Variants in BAZ1A observed in about 807,000 individuals in gnomAD.
BAZ1A encodes the protein bromodomain adjacent to zinc finger domain 1A.
A neutral mutation model predicts 185.2 loss-of-function variants in BAZ1A; 50 were observed. The ratio of observed to expected loss-of-function variants is 0.27; its 90% CI spans 0.22 to 0.34. The LOEUF (loss-of-function observed/expected upper bound fraction) is 0.34, where lower values mean the gene tolerates loss of function less well. BAZ1A is among the 10% of genes least tolerant of loss of function. The probability of loss-of-function intolerance (pLI) is 1.00; values close to 1 mark genes in which losing one functional copy is unlikely to be tolerated. For synonymous variants in BAZ1A, 571 were observed against 615.6 expected, an observed-to-expected ratio of 0.93 and a Z score of 1.07; for missense variants, 1,356 against 1,839.9, an observed-to-expected ratio of 0.74 and a Z score of 4.81.
intron 26 of BAZ1A, 67 bp downstream of exon 26, chr14:34,754,760 A>G (rs1040890458): frequency 6.3e-6 from 7 of 1,119,246 alleles, no homozygotes; most frequent in Non-Finnish European, 8.9e-6. Flanking sequence ...ACAAAAATAA[A>G]TATCAAAGAT....
chr14:34,866,154 C>G (rs1021606853), intron 2 of BAZ1A, among the ~76,000 whole-genome samples: 5 of 152,100 alleles, frequency 3.3e-5, no homozygotes, highest in African/African-American at 1.2e-4. Flanking sequence ...CACCACTGCA[C>G]TCCAGCCTGA....
Position 34,875,128 on chromosome 14 carries a change from C to A in BAZ1A, c.-59+10G>T. On this transcript the variant is annotated intron_variant, in intron 1 of 26. Coordinates refer to ENST00000360310, the MANE Select transcript of BAZ1A (RefSeq NM_013448.3). ...CCGCCGGCGCCGGCCGGCTCCCGAG[C>A]GACCCTCACCTGCGATCACGCCGAC... 2.7e-6 allele frequency: 1 copy of A among 373,814 alleles called. No individual in the cohort carries two copies. The allele number at this position is 373,814 out of a possible 1,614,324, so 23.2% of individuals were successfully genotyped here.
chr14:34,832,215 C>CACACATAT, intron 3 of BAZ1A, among the ~76,000 whole-genome samples: 5 of 89,666 alleles, frequency 5.6e-5, no homozygotes, highest in African/African-American at 1.1e-4. Context: ...CACACACACA[C>CACACATAT]ATATATATAT....
chr14:34,832,501 T>G (rs780208177), intron 3 of BAZ1A, among the ~76,000 whole-genome samples: 1 of 147,904 alleles, frequency 6.8e-6, no homozygotes, highest in Admixed American at 6.8e-5. Flanking sequence ...GGCAAAAGAC[T>G]TGAATAGACA....
At chr14:34,872,913 TAAAAAAAAA>T (rs35955993) in intron 2 of BAZ1A, among the ~76,000 whole-genome samples, 15 of 76,188 alleles carry the variant, frequency 2.0e-4, no homozygotes, top group East Asian at 3.5e-4. Flanking sequence ...TTTAAAATCC[TAAAAAAAAA>T]AAAAAAAAAA....
chr14:34,842,758 A>T (rs1359170283), intron 3 of BAZ1A, among the ~76,000 whole-genome samples: 1 of 152,144 alleles, frequency 6.6e-6, no homozygotes, highest in Non-Finnish European at 1.5e-5. Context: ...TCTGGTTCTG[A>T]TACTGCCTGT....
intron 14 of BAZ1A, among the ~76,000 whole-genome samples, chr14:34,784,695 T>C (rs867517132): frequency 5.9e-5 from 9 of 151,696 alleles, no homozygotes; most frequent in African/African-American, 9.7e-5. Context: ...TTTTTTTGTA[T>C]TTTCAGTAGA....
chr14:34,828,003 T>C (rs959050317), intron 3 of BAZ1A, among the ~76,000 whole-genome samples: 2 of 151,838 alleles, frequency 1.3e-5, no homozygotes, highest in Admixed American at 1.3e-4. Flanking sequence ...AATTAAAATA[T>C]TCCTTAATCG....
chr14:34,758,634 A>G, intron 25 of BAZ1A, 70 bp downstream of exon 25: 2 of 1,475,116 alleles, frequency 1.4e-6, no homozygotes, highest in Non-Finnish European at 1.9e-6. Context: ...TGTTTTGACT[A>G]CTTCAAAGTT....
At chr14:34,786,050 A>G (rs771905245) in intron 13 of BAZ1A, 49 bp from the exon 14 acceptor site, 3 of 1,589,138 alleles carry the variant, frequency 1.9e-6, no homozygotes, top group Non-Finnish European at 2.6e-6. Flanking sequence ...AACAATAAAT[A>G]CTCAGCAATG....
intron 24 of BAZ1A, among the ~76,000 whole-genome samples, chr14:34,759,184 T>TGTTTTTTTTTTG (rs1555336964): frequency 3.9e-4 from 42 of 108,108 alleles, no homozygotes; most frequent in Non-Finnish European, 7.0e-4. Flanking sequence ...TTTTTTTTTT[T>TGTTTTTTTTTTG]TTTTTTTTTT....
rs138815916 is a variant in BAZ1A at position 34,832,685 on chromosome 14, T to C, written c.393-6529A>G. ...AAATTCACAAGTGTTAATAAGAATG[T>C]AGAGGAAATGGAACACTAGTGCATT... On this transcript the variant is annotated intron_variant, in intron 3 of 26. Transcript: ENST00000360310. Among the ~76,000 whole-genome samples the C allele has an allele frequency of 3.0e-3, 454 of 152,236 alleles. 2 individuals carry two copies. The highest frequency in any genetic ancestry group is 0.01 in the African/African-American group (430 of 41,530).
chr14:34,758,656 TA>T (rs1393668287), intron 25 of BAZ1A, 47 bp downstream of exon 25: 2 of 1,582,414 alleles, frequency 1.3e-6, no homozygotes, highest in African/African-American at 1.3e-5. Flanking sequence ...TCACGTGGAC[TA>T]AATCAGATAA....
At chr14:34,813,449 G>A (rs887844096) in intron 4 of BAZ1A, among the ~76,000 whole-genome samples, 9 of 152,064 alleles carry the variant, frequency 5.9e-5, no homozygotes, top group Non-Finnish European at 1.2e-4. Context: ...TTGGGAGGCC[G>A]AGGCAGGTGG....
At chr14:34,835,531 G>A (rs767702736) in intron 3 of BAZ1A, among the ~76,000 whole-genome samples, 1 of 151,910 alleles carries the variant, frequency 6.6e-6, no homozygotes, top group African/African-American at 2.4e-5. Context: ...TTTAAGCCCA[G>A]GCAATGCGAG....
chr14:34,802,324 CTGCCTCCCGGGTTTGAGCAATTCTCG>C (rs1881614193), intron 7 of BAZ1A, among the ~76,000 whole-genome samples: 3 of 152,096 alleles, frequency 2.0e-5, no homozygotes, highest in African/African-American at 7.2e-5. Flanking sequence ...CAGCCTCTGT[CTGCCTCCCGGGTTTGAGCAATTCTCG>C]TGCCTCAGGC....
intron 3 of BAZ1A, among the ~76,000 whole-genome samples, chr14:34,858,102 C>A (rs1366769236): frequency 2.8e-5 from 1 of 36,340 alleles, no homozygotes; most frequent in Non-Finnish European, 1.6e-4. Flanking sequence ...AGGAAACCAC[C>A]AACAACAAAA....
At position 34,753,854 on chromosome 14, in the gene BAZ1A, C is replaced by T. The variant is rs766362946; in HGVS notation, c.4475-150G>A. 9.5e-6 allele frequency: 6 copies of T among 631,888 alleles called. No individual in the cohort carries two copies. The Admixed American group carries it at 1.1e-4, about 11-fold the overall frequency. 39.1% of individuals were successfully genotyped at this position (631,888 alleles called of 1,614,324 possible). A position where few individuals can be genotyped will look rare whatever the true frequency, so the allele number is the denominator to read the frequency against. On this transcript the variant is annotated intron_variant, in intron 26 of 26. Coordinates refer to ENST00000360310, the MANE Select transcript of BAZ1A (RefSeq NM_013448.3). Reference sequence around the variant, plus strand: ...AAGACTCTGGCTAGGCATGGTGGCTCACATCTGTAATCTCAGCACTTGGGA... The same window carrying T: ...AAGACTCTGGCTAGGCATGGTGGCTTACATCTGTAATCTCAGCACTTGGGA...
chr14:34,776,515 C>A lies in BAZ1A; in HGVS notation c.2237G>T (p.Gly746Val). ...DPGSHKRGRR[G>V]KRGQNGFKEF... ...TTTAAATCCATTTTGTCCTCTTTTCCCTGTAATTAAAATAAAATGTTTCAT... is the reference window on the plus strand; with the variant it reads ...TTTAAATCCATTTTGTCCTCTTTTCACTGTAATTAAAATAAAATGTTTCAT... Residue 746 changes from glycine (G) to valine (V), a missense_variant and splice_region_variant, in exon 18 of 27, where the codon GGG (glycine) becomes GTG (valine). Physicochemically the swap from Gly to Val is moderately radical, Grantham distance 109 (BLOSUM62 -3). This residue lies in a region of BAZ1A where 434 missense variants were observed against 561.7 expected (regional missense o/e 0.77). Transcript: ENST00000360310. 1.3e-6 allele frequency: 2 copies of A among 1,562,346 alleles called. No individual in the cohort carries two copies. The highest frequency in any genetic ancestry group is 8.6e-7 in the Non-Finnish European group (1 of 1,159,786).
Sources: gnomAD v4.1 joint callset for allele counts (sites outside exome capture counted in the v4.1 genomes callset) on GRCh38, gnomAD v4.1.1 for gene constraint, gnomAD v4.1.1 regional missense constraint, MANE v1.5 for transcripts, NCBI Gene and HGNC (gene_info 2026-07-23, HGNC 2026-07-21) for gene names.